The following TM6SF2 variants were observed in gnomAD, a reference collection of about 807,000 sequenced individuals.
TM6SF2 encodes transmembrane 6 superfamily member 2.
TM6SF2 carries 29 observed loss-of-function variants against 41.0 expected under a neutral mutation model. That is an observed-to-expected ratio of 0.71 (90% confidence interval 0.53 to 0.96). The LOEUF is 0.96. Among genes scored for constraint, TM6SF2 ranks in the 50% least tolerant of loss-of-function variants. The pLI is 0.00. For synonymous variants in TM6SF2, 200 were observed against 209.1 expected (o/e 0.96, Z 0.37); for missense variants, 475 against 499.0 (o/e 0.95, Z 0.46).
At chr19:19,268,172 C>T in intron 6 of TM6SF2, 85 bp from the exon 7 acceptor site, 3 of 889,174 alleles carry the variant, frequency 3.4e-6, no homozygotes, top group East Asian at 2.8e-5. Flanking sequence ...TCCTAAGGCT[C>T]CTCCCTTCTT....
intron 1 of TM6SF2, 61 bp downstream of exon 1, chr19:19,273,060 C>CTT: frequency 2.1e-6 from 1 of 472,846 alleles, no homozygotes; most frequent in Non-Finnish European, 3.8e-6. Context: ...ACCTCCAGTC[C>CTT]TCCCCGCCCC....
intron 6 of TM6SF2, 79 bp downstream of exon 6, chr19:19,268,551 A>T (rs764997559): frequency 4.0e-6 from 6 of 1,487,882 alleles, no homozygotes; most frequent in Non-Finnish European, 5.3e-6. Context: ...CACAGAAATT[A>T]AGTCTTTGAC....
Position 19,267,649 on chromosome 19 carries a change from C to A in TM6SF2, c.776G>T (p.Arg259Leu). 1 of 1,613,766 alleles carries A rather than the reference C, an allele frequency of 6.2e-7. No homozygotes were observed. Among genetic ancestry groups the A allele is most frequent in the Non-Finnish European group, 8.5e-7 (1 of 1,179,898 alleles). Residue 259 changes from arginine (R) to leucine (L), a missense_variant, in exon 8 of 10, where the codon CGG (arginine) becomes CTG (leucine). Around this residue, in one of 3 missense-constraint regions of TM6SF2, gnomAD observed 190 missense variants for 190.2 expected, o/e 1.00. Transcript: ENST00000389363. ...CACCTTAGGGTAGGCCACAGGGTCCCGCAGGTATGGCTCATACTGGTAGAT... is the reference window on the plus strand; with the variant it reads ...CACCTTAGGGTAGGCCACAGGGTCCAGCAGGTATGGCTCATACTGGTAGAT... ...VYIYQYEPYL[R>L]DPVAYPKVQM...
Position 19,264,506 on chromosome 19 carries a change from T to C in TM6SF2, c.*158A>G. 1 of 518,322 alleles carries C rather than the reference T, an allele frequency of 1.9e-6. No individual in the cohort carries two copies. The highest frequency in any genetic ancestry group is 4.4e-5 in the Admixed American group (1 of 22,936). 32.1% of individuals were successfully genotyped at this position (518,322 alleles called of 1,614,324 possible). A position where few individuals can be genotyped will look rare whatever the true frequency, so the allele number is the denominator to read the frequency against. On this transcript the variant is annotated 3_prime_UTR_variant, in exon 10 of 10. Transcript: ENST00000389363. ...CTCTCCTTGCAGGAACACTTGGTCG[T>C]TGGTCTCCATCCCACCCACTGGACT...
At chr19:19,269,810 C>T (rs754359619) in intron 4 of TM6SF2, 41 bp from the exon 5 acceptor site, 80 of 1,613,096 alleles carry the variant, frequency 5.0e-5, no homozygotes, top group East Asian at 8.9e-5. Flanking sequence ...GTAGTCACTC[C>T]GTAATCTCAG....
At position 19,268,053 on chromosome 19, in the gene TM6SF2, C is replaced by A. The variant is rs750038678; in HGVS notation, c.644G>T (p.Arg215Leu). The A allele has an allele frequency of 1.2e-6, 2 of 1,614,018 alleles. No individual in the cohort carries two copies. The highest frequency in any genetic ancestry group is 1.7e-6 in the Non-Finnish European group (2 of 1,179,980). The change falls in exon 7 of 10, where the codon CGT (arginine) becomes CTT (leucine). Residue 215 changes from arginine (R) to leucine (L), a missense_variant. Physicochemically the swap from Arg to Leu is moderately radical, Grantham distance 102 (BLOSUM62 -2). Transcript: ENST00000389363. ...QEEQRKGLLQ[R>L]PADLALVIYL... is the part of the protein sequence containing the mutation. ...TATGACAAGGGCCAGGTCAGCCGGA[C>A]GCTGCAGGAGTCCCTTTCTTTGTTC...
chr19:19,267,580 C>G, intron 8 of TM6SF2, 41 bp downstream of exon 8: 1 of 1,524,472 alleles, frequency 6.6e-7, no homozygotes, highest in Non-Finnish European at 9.0e-7. Context: ...TGGACCCCTA[C>G]CCATGGCAGG....
At position 19,271,070 on chromosome 19, in the gene TM6SF2, C is replaced by A. The variant is rs747172221; in HGVS notation, c.151G>T (p.Val51Phe). Residue 51 changes from valine to phenylalanine, a missense_variant, in exon 2 of 10, where the codon GTC (valine) becomes TTC (phenylalanine). Transcript: ENST00000389363. ...ACCTCGCCATGGGACAAGCTGTAGA[C>A]CGCCACGAAAAGCAGACCCAGGATT... is the stretch of plus-strand genomic sequence containing the variant. ...ALILGLLFVAVYSLSHGEVSY... is the reference protein window; with the variant it reads ...ALILGLLFVAFYSLSHGEVSY... 5.3e-5 allele frequency: 85 copies of A among 1,614,068 alleles called. No individual in the cohort carries two copies. The highest frequency in any genetic ancestry group is 6.9e-5 in the Non-Finnish European group (82 of 1,180,028).
At chr19:19,268,208 CTTTTTTTTT>C in intron 6 of TM6SF2, 121 bp from the exon 7 acceptor site, 1 of 562,342 alleles carries the variant, frequency 1.8e-6, no homozygotes, top group Non-Finnish European at 3.0e-6. Context: ...TTTCTTTTTT[CTTTTTTTTT>C]TTTTTTGAGA....
At chr19:19,268,137 T>C (rs942073217) in intron 6 of TM6SF2, 50 bp from the exon 7 acceptor site, 4 of 1,319,544 alleles carry the variant, frequency 3.0e-6, no homozygotes, top group African/African-American at 2.9e-5. Context: ...CAATGACAAG[T>C]ATTCAGTAGG....
At chr19:19,270,532 G>A in intron 2 of TM6SF2, 90 bp from the exon 3 acceptor site, 13 of 1,464,708 alleles carry the variant, frequency 8.9e-6, no homozygotes, top group Non-Finnish European at 1.2e-5. Context: ...TGAAGTTAAG[G>A]TCAGGGATGA....
chr19:19,270,352 G>T lies in TM6SF2; in HGVS notation c.290C>A (p.Thr97Asn). Residue 97 changes from threonine (T) to asparagine (N), a missense_variant, in exon 3 of 10, where the codon ACC becomes AAC. Around this residue, in one of 3 missense-constraint regions of TM6SF2, gnomAD observed 238 missense variants for 228.6 expected, o/e 1.04. Transcript: ENST00000389363. ...TGGTCGTCCCCCAAGTACCTCCTTGGTGTAGAACTCCATGAAGCCCACCAC... is the reference window on the plus strand; with the variant it reads ...TGGTCGTCCCCCAAGTACCTCCTTGTTGTAGAACTCCATGAAGCCCACCAC... ...SYVVGFMEFY[T>N]KEGEPYLRTA... 6.2e-7 allele frequency: 1 copy of T among 1,614,194 alleles called. No individual in the cohort carries two copies. Among genetic ancestry groups the T allele is most frequent in the Non-Finnish European group, 8.5e-7 (1 of 1,180,008 alleles).
In TM6SF2 at chr19:19,271,121, G is replaced by T. The variant is rs1207023884; in HGVS notation, c.100C>A (p.Leu34Met). 6.2e-7 allele frequency: 1 copy of T among 1,614,020 alleles called. No homozygotes were observed. Among genetic ancestry groups the T allele is most frequent in the East Asian group, 2.2e-5 (1 of 44,874 alleles). ...AGGGCGCTCATCAATGCCACCCACA[G>T]GGGGCTGTGGAGAGGGAAGCCAAGT... ...LNHVSALSHP[L>M]WVALMSALIL... Residue 34 changes from leucine (L) to methionine (M), a missense_variant, in exon 2 of 10, where the codon CTG (leucine) becomes ATG (methionine). By Grantham distance (15) the Leu-to-Met change is conservative (BLOSUM62 2). Around this residue, in one of 3 missense-constraint regions of TM6SF2, gnomAD observed 238 missense variants for 228.6 expected, o/e 1.04. Transcript: ENST00000389363.
intron 9 of TM6SF2, among the ~76,000 whole-genome samples, chr19:19,265,908 G>A (rs2061001634): frequency 6.6e-6 from 1 of 152,118 alleles, no homozygotes; most frequent in Admixed American, 6.5e-5. Context: ...AAATCCTGTG[G>A]ATTCTAAATG....
Position 19,264,583 on chromosome 19 carries a change from T to A in TM6SF2, c.*81A>T, listed in dbSNP as rs551749096. The stretch of plus-strand genomic sequence containing the variant: ...CACCCGGAGATGTCCCTCCTGTCTC[T>A]AAAACACCCAACCCCCGCTTCCCCA... On this transcript the variant is annotated 3_prime_UTR_variant, in exon 10 of 10. Transcript: ENST00000389363. 7.9e-7 allele frequency: 1 copy of A among 1,263,616 alleles called. No homozygotes were observed. The highest frequency in any genetic ancestry group is 2.2e-5 in the South Asian group (1 of 44,940). The allele number at this position is 1,263,616 out of a possible 1,614,324, so 78.3% of individuals were successfully genotyped here. A position where few individuals can be genotyped will look rare whatever the true frequency, so the allele number is the denominator to read the frequency against.
chr19:19,264,846 T>C lies in TM6SF2; in HGVS notation c.952A>G (p.Met318Val), dbSNP rs1293400908. The change falls in exon 10 of 10, where the codon ATG (methionine) becomes GTG (valine). Residue 318 changes from methionine (M) to valine (V), a missense_variant. Met to Val is a conservative substitution (Grantham distance 21). Around this residue, in one of 3 missense-constraint regions of TM6SF2, gnomAD observed 190 missense variants for 190.2 expected, o/e 1.00. Transcript: ENST00000389363. The part of the protein sequence containing the change: ...QAQFSHMGAS[M>V]HLRTPFTYRV... ...TAGGTGAAGGGTGTGCGCAGGTGCA[T>C]GGAAGCCCCCATGTGCGAGAACTGT... The C allele has an allele frequency of 6.3e-7, 1 of 1,585,800 alleles. No homozygotes were observed. Among genetic ancestry groups the C allele is most frequent in the African/African-American group, 1.4e-5 (1 of 73,324 alleles).
rs776157523 is a variant in TM6SF2 at position 19,268,780 on chromosome 19, T to C, written c.485-26A>G. ...CTTCCATGGTGCAGGAGAGAGGGCA[T>C]CAGCCATGCCAGAACCCTGCTGGAC... On this transcript the variant is annotated intron_variant, in intron 5 of 9. Coordinates refer to ENST00000389363, the MANE Select transcript of TM6SF2 (RefSeq NM_001001524.3). The C allele has an allele frequency of 3.2e-6, 5 of 1,568,376 alleles. No individual in the cohort carries two copies. The African/African-American group carries it at 7.0e-5, about 22-fold the overall frequency.
chr19:19,265,407 C>CTATCTATCTATCT (rs1478604397), intron 9 of TM6SF2, among the ~76,000 whole-genome samples: 5 of 87,714 alleles, frequency 5.7e-5, no homozygotes, highest in East Asian at 3.8e-4. Context: ...TCTATCTATC[C>CTATCTATCTATCT]ATCCATCCAT....
At chr19:19,267,187 G>A (rs754722942) in intron 8 of TM6SF2, among the ~76,000 whole-genome samples, 2 of 151,888 alleles carry the variant, frequency 1.3e-5, no homozygotes, top group African/African-American at 2.4e-5. Context: ...TGACCAACAT[G>A]GCAAAACCCC....
Sources: gnomAD v4.1 joint callset for allele counts (sites outside exome capture counted in the v4.1 genomes callset) on GRCh38, gnomAD v4.1.1 for gene constraint, gnomAD v4.1.1 regional missense constraint, MANE v1.5 for transcripts, NCBI Gene and HGNC (gene_info 2026-07-23, HGNC 2026-07-21) for gene names.